The following CYP46A1 variants were observed in gnomAD, a reference collection of about 807,000 sequenced individuals.
CYP46A1 encodes the protein cytochrome P450 family 46 subfamily A member 1.
In CYP46A1, 20 loss-of-function variants were observed where a neutral mutation model predicts 63.3. That is an observed-to-expected ratio of 0.32 (90% CI 0.22 to 0.46). CYP46A1 has a LOEUF of 0.46. Among genes scored for constraint, CYP46A1 ranks in the 20% least tolerant of loss-of-function variants. The pLI, the probability that CYP46A1 is intolerant of heterozygous loss-of-function variation, is 1.00. For synonymous variants in CYP46A1, 268 were observed against 273.6 expected (o/e 0.98, Z 0.20); for missense variants, 445 against 670.8 (o/e 0.66, Z 3.72).
At chr14:99,690,231 T>G (rs1417899705) in intron 1 of CYP46A1, among the ~76,000 whole-genome samples, 2 of 152,214 alleles carry the variant, frequency 1.3e-5, no homozygotes, top group Non-Finnish European at 2.9e-5. Context: ...ACCTTGGTGT[T>G]GACCTTGAGC....
intron 10 of CYP46A1, 77 bp from the exon 11 acceptor site, chr14:99,721,162 G>T (rs2056842896): frequency 9.9e-7 from 1 of 1,009,978 alleles, no homozygotes; most frequent in Non-Finnish European, 1.6e-6. Context: ...CTTCCTTCCA[G>T]TGCCCCCTTC....
intron 14 of CYP46A1, 150 bp from the exon 15 acceptor site, chr14:99,726,407 T>A: frequency 1.7e-6 from 2 of 1,165,224 alleles, no homozygotes; most frequent in Non-Finnish European, 2.4e-6. Flanking sequence ...ACTGGCTGTG[T>A]TTTGCACGGA....
chr14:99,726,165 T>C, intron 13 of CYP46A1, 25 bp from the exon 14 acceptor site: 1 of 1,610,704 alleles, frequency 6.2e-7, no homozygotes, highest in Non-Finnish European at 8.5e-7. Context: ...GCTGCTGGCC[T>C]CGTGATTCCT....
At position 99,698,534 on chromosome 14, in the gene CYP46A1, G is replaced by C. The variant is rs2056604611; in HGVS notation, c.283-932G>C. Among the ~76,000 whole-genome samples, 3 of 152,322 alleles carry C rather than the reference G, an allele frequency of 2.0e-5. No homozygotes were observed. In the South Asian group the frequency reaches 6.2e-4, roughly 32 times the overall value. ...ATTGAGTGAACCGCAGGGTGCAGCT[G>C]TGCACCTGGCATTTATTGAGCACCT... On this transcript the variant is annotated intron_variant, in intron 3 of 14. Transcript: ENST00000261835.
chr14:99,726,298 A>G (rs1234461355), intron 14 of CYP46A1, 42 bp downstream of exon 14: 6 of 1,596,114 alleles, frequency 3.8e-6, no homozygotes, highest in Non-Finnish European at 5.1e-6. Flanking sequence ...GAGTAGCTGC[A>G]GGGGTGGGGG....
At chr14:99,726,152 G>A (rs200409579) in intron 13 of CYP46A1, 38 bp from the exon 14 acceptor site, 4 of 1,584,278 alleles carry the variant, frequency 2.5e-6, no homozygotes, top group Non-Finnish European at 3.5e-6. Context: ...GGGGACGCCT[G>A]GGGCTGCTGG....
Position 99,699,555 on chromosome 14 carries a change from G to A in CYP46A1, c.356+16G>A. The stretch of plus-strand genomic sequence containing the variant: ...TTGGTGAGAGGTAAGGAGGTATGGT[G>A]GAAGGCCTGGGTGGGAGGCCAGGAG... On this transcript the variant is annotated intron_variant, in intron 4 of 14. Coordinates refer to ENST00000261835, the MANE Select transcript of CYP46A1 (RefSeq NM_006668.2). 1.2e-6 allele frequency: 2 copies of A among 1,613,984 alleles called. No homozygotes were observed. Among genetic ancestry groups the A allele is most frequent in the Non-Finnish European group, 1.7e-6 (2 of 1,179,888 alleles).
intron 10 of CYP46A1, among the ~76,000 whole-genome samples, chr14:99,720,620 G>A (rs7143240): frequency 0.032 from 4,788 of 151,568 alleles, 270 homozygotes; most frequent in African/African-American, 0.11. Context: ...CACCACTCCC[G>A]GCGAATTTTT....
intron 1 of CYP46A1, among the ~76,000 whole-genome samples, chr14:99,689,918 G>C (rs945217719): frequency 6.6e-6 from 1 of 152,178 alleles, no homozygotes; most frequent in African/African-American, 2.4e-5. Context: ...GCTCACCAAA[G>C]TCAAAGCAAA....
intron 1 of CYP46A1, among the ~76,000 whole-genome samples, chr14:99,689,332 G>A (rs1436040785): frequency 6.6e-6 from 1 of 152,180 alleles, no homozygotes; most frequent in Non-Finnish European, 1.5e-5. Flanking sequence ...TTGAGCAGTG[G>A]GAGGAGGAGA....
At chr14:99,699,912 C>T in intron 4 of CYP46A1, 103 bp from the exon 5 acceptor site, 1 of 833,352 alleles carries the variant, frequency 1.2e-6, no homozygotes, top group South Asian at 1.7e-5. Flanking sequence ...CACCGCCTAG[C>T]TCCAATACCG....
At chr14:99,713,733 G>C (rs2056757911) in intron 7 of CYP46A1, among the ~76,000 whole-genome samples, 1 of 151,332 alleles carries the variant, frequency 6.6e-6, no homozygotes, top group Non-Finnish European at 1.5e-5. Flanking sequence ...TCAAAAATTA[G>C]CCTAAAATAC....
At chr14:99,701,961 G>T (rs7148504) in intron 5 of CYP46A1, among the ~76,000 whole-genome samples, 95,835 of 151,382 alleles carry the variant, frequency 0.63, 30,577 homozygotes, top group South Asian at 0.77. Context: ...TCCCAGCTAC[G>T]CGGGAGGCTA....
intron 5 of CYP46A1, among the ~76,000 whole-genome samples, chr14:99,702,083 A>AG (rs34591457): frequency 0.3 from 44,926 of 147,722 alleles, 7,194 homozygotes; most frequent in Middle Eastern, 0.36. Flanking sequence ...AAAAAAAAAA[A>AG]AAAAAAAAGG....
At chr14:99,717,009 AGCACTT>A (rs897383973) in intron 9 of CYP46A1, among the ~76,000 whole-genome samples, 1 of 152,200 alleles carries the variant, frequency 6.6e-6, no homozygotes, top group African/African-American at 2.4e-5. Context: ...AGGTGGGAGA[AGCACTT>A]GCAGATGCCC....
intron 3 of CYP46A1, among the ~76,000 whole-genome samples, chr14:99,695,186 T>C (rs1321804412): frequency 2.0e-5 from 3 of 152,250 alleles, no homozygotes; most frequent in African/African-American, 2.4e-5. Context: ...TTTAAATTAA[T>C]TGAAATTTGT....
chr14:99,725,553 C>A lies in CYP46A1; in HGVS notation c.1265+74C>A. The A allele has an allele frequency of 9.3e-7, 1 of 1,079,840 alleles. No homozygotes were observed. Among genetic ancestry groups the A allele is most frequent in the Non-Finnish European group, 1.4e-6 (1 of 701,004 alleles). The allele number at this position is 1,079,840 out of a possible 1,614,324, so 66.9% of individuals were successfully genotyped here. ...CAGACACAGCGGCCTCTGGTCTGAG[C>A]CAGAGGCACCCACTCAGCCCACATA... On this transcript the variant is annotated intron_variant, in intron 13 of 14. Transcript: ENST00000261835. The surrounding 1 kb of genome is among the most constrained non-coding windows in gnomAD (Gnocchi z 4.2).
chr14:99,726,840 G>A lies in CYP46A1; in HGVS notation c.*113G>A, dbSNP rs1300130999. ...CCCCGTCCCCTGGGCCACCCTTCAC[G>A]CTGGCTTCCAGCGGGCCCTCTGCCG... On this transcript the variant is annotated 3_prime_UTR_variant, in exon 15 of 15. Coordinates refer to ENST00000261835, the MANE Select transcript of CYP46A1 (RefSeq NM_006668.2). The A allele has an allele frequency of 9.8e-6, 9 of 919,524 alleles. No homozygotes were observed. The highest frequency in any genetic ancestry group is 1.4e-5 in the Non-Finnish European group (9 of 655,878). The allele number at this position is 919,524 out of a possible 1,614,324, so 57.0% of individuals were successfully genotyped here. A position where few individuals can be genotyped will look rare whatever the true frequency, so the allele number is the denominator to read the frequency against.
At chr14:99,721,825 A>T in intron 11 of CYP46A1, 131 bp from the exon 12 acceptor site, 1 of 636,036 alleles carries the variant, frequency 1.6e-6, no homozygotes, top group Non-Finnish European at 2.8e-6. Context: ...GGGGCCTGGG[A>T]CCCAGGCCAG....
Sources: gnomAD v4.1 joint callset for allele counts (sites outside exome capture counted in the v4.1 genomes callset) on GRCh38, gnomAD v4.1.1 for gene constraint, Gnocchi (gnomAD v3.1) non-coding constraint, MANE v1.5 for transcripts, NCBI Gene and HGNC (gene_info 2026-07-23, HGNC 2026-07-21) for gene names.